MRPL13: variants seen among roughly 807,000 people sequenced by gnomAD.
The protein encoded by MRPL13 is mitochondrial ribosomal protein L13.
In MRPL13, 33 loss-of-function variants were observed where a neutral mutation model predicts 29.0. That is an observed-to-expected ratio of 1.14 (90% CI 0.86 to 1.52). MRPL13 has a LOEUF of 1.52. Ranked by LOEUF, MRPL13 falls within the 40% of genes most tolerant of loss-of-function variation. MRPL13 has a pLI of 0.00. For missense variants in MRPL13, 227 were observed against 216.7 expected, an observed-to-expected ratio of 1.05 and a Z score of -0.30; for synonymous variants, 77 against 68.4, an observed-to-expected ratio of 1.13 and a Z score of -0.62.
intron 2 of MRPL13, among the ~76,000 whole-genome samples, chr8:120,439,013 T>C (rs754034570): frequency 1.3e-5 from 2 of 152,262 alleles, no homozygotes; most frequent in African/African-American, 2.4e-5. Flanking sequence ...TCTTTATTCA[T>C]AGATTCCATA....
At chr8:120,415,786 T>A (rs2130463825) in intron 5 of MRPL13, 1 of 152,132 alleles carries the variant, frequency 6.6e-6, no homozygotes, top group East Asian at 1.9e-4. Context: ...CCTGGACATA[T>A]AAAAGATTGT....
chr8:120,438,332 C>G (rs889150793), intron 2 of MRPL13, among the ~76,000 whole-genome samples: 8 of 152,138 alleles, frequency 5.3e-5, no homozygotes, highest in African/African-American at 1.7e-4. Flanking sequence ...CAGAGTAAGA[C>G]CCTGTCTCAA....
At chr8:120,417,595 A>T (rs1466909418) in intron 5 of MRPL13, among the ~76,000 whole-genome samples, 1 of 151,990 alleles carries the variant, frequency 6.6e-6, no homozygotes, top group Non-Finnish European at 1.5e-5. Context: ...ATTCAGTGTA[A>T]TCCCTTATTA....
chr8:120,434,426 G>A (rs1813030243), intron 2 of MRPL13, among the ~76,000 whole-genome samples: 2 of 151,990 alleles, frequency 1.3e-5, no homozygotes, highest in Admixed American at 1.3e-4. Flanking sequence ...TAATGTTTAC[G>A]GAGAAAACAG....
intron 6 of MRPL13, among the ~76,000 whole-genome samples, chr8:120,407,730 T>C (rs754958915): frequency 1.3e-5 from 2 of 152,106 alleles, no homozygotes; most frequent in Non-Finnish European, 2.9e-5. Context: ...GAATAATTTA[T>C]TTTTCAAGTA....
At chr8:120,419,159 T>G (rs1444509977) in intron 5 of MRPL13, among the ~76,000 whole-genome samples, 1 of 151,974 alleles carries the variant, frequency 6.6e-6, no homozygotes, top group African/African-American at 2.4e-5. Flanking sequence ...ATACTATTAT[T>G]ATGTCAACTT....
At chr8:120,417,599 C>T (rs1812819620) in intron 5 of MRPL13, among the ~76,000 whole-genome samples, 1 of 152,130 alleles carries the variant, frequency 6.6e-6, no homozygotes, top group East Asian at 1.9e-4. Flanking sequence ...AGTGTAATCC[C>T]TTATTATTAC....
intron 2 of MRPL13, among the ~76,000 whole-genome samples, chr8:120,437,156 T>C (rs529551174): frequency 1.3e-5 from 2 of 152,292 alleles, no homozygotes; most frequent in South Asian, 2.1e-4. Flanking sequence ...ACAATTTAGA[T>C]TGCAAAATTA....
chr8:120,399,456 G>A (rs1375533526), intron 6 of MRPL13, among the ~76,000 whole-genome samples: 1 of 152,112 alleles, frequency 6.6e-6, no homozygotes, highest in Non-Finnish European at 1.5e-5. Flanking sequence ...GAGGGAATTC[G>A]TCACCACCAG....
intron 6 of MRPL13, among the ~76,000 whole-genome samples, chr8:120,412,002 G>A (rs187335792): frequency 6.6e-6 from 1 of 152,156 alleles, no homozygotes; most frequent in African/African-American, 2.4e-5. Context: ...TTATATTAGT[G>A]TGGTGCCAGT....
At chr8:120,425,769 C>T (rs986274877) in intron 3 of MRPL13, among the ~76,000 whole-genome samples, 10 of 152,046 alleles carry the variant, frequency 6.6e-5, no homozygotes, top group East Asian at 3.9e-4. Flanking sequence ...GTTGGTAGTC[C>T]ACTTGGTTCT....
intron 5 of MRPL13, among the ~76,000 whole-genome samples, chr8:120,417,323 G>A (rs1812815615): frequency 6.6e-6 from 1 of 152,114 alleles, no homozygotes; most frequent in African/African-American, 2.4e-5. Flanking sequence ...ACAAATAATT[G>A]AAAAGATGCC....
At position 120,407,897 on chromosome 8, in the gene MRPL13, CTA is replaced by C. The variant is rs558424899; in HGVS notation, c.515+6092_515+6093del. ...CTTATTCTATGAAACATTTAAAAGA[CTA>C]AAATAATATTTGGATGGTGAACTAA... On this transcript the variant is annotated intron_variant, in intron 6 of 6. Transcript: ENST00000306185. 1.6e-4 allele frequency among the ~76,000 whole-genome samples: 24 copies of C among 152,024 alleles called. No homozygotes were observed. In the East Asian group the frequency reaches 4.6e-3, roughly 29 times the overall value.
At chr8:120,425,102 G>A (rs1812916729) in intron 4 of MRPL13, among the ~76,000 whole-genome samples, 1 of 151,956 alleles carries the variant, frequency 6.6e-6, no homozygotes, top group African/African-American at 2.4e-5. Flanking sequence ...TCGACTAAAT[G>A]CAAAACATAA....
At chr8:120,399,227 G>A (rs1215095515) in intron 6 of MRPL13, among the ~76,000 whole-genome samples, 1 of 152,106 alleles carries the variant, frequency 6.6e-6, no homozygotes, top group Admixed American at 6.5e-5. Context: ...AAGAAAAAAT[G>A]TTAAGGACAG....
At position 120,445,096 on chromosome 8, in the gene MRPL13, T is replaced by A. The variant is rs767975308; in HGVS notation, c.-2A>T. On this transcript the variant is annotated 5_prime_UTR_variant, in exon 1 of 7. Coordinates refer to ENST00000306185, the MANE Select transcript of MRPL13 (RefSeq NM_014078.6). ...GGGCGCCCTAGAGAAACTCGACATA[T>A]TCCTCTACTAGCAGGACCGTACGTC... The A allele has an allele frequency of 9.9e-6, 16 of 1,613,650 alleles. No homozygotes were observed.
chr8:120,402,196 A>G (rs1812605449), intron 6 of MRPL13, among the ~76,000 whole-genome samples: 1 of 152,212 alleles, frequency 6.6e-6, no homozygotes, highest in Non-Finnish European at 1.5e-5. Flanking sequence ...TAGCCAAGAC[A>G]ATCCTAAGCA....
chr8:120,401,769 A>C (rs953423286), intron 6 of MRPL13, among the ~76,000 whole-genome samples: 2 of 152,188 alleles, frequency 1.3e-5, no homozygotes, highest in Non-Finnish European at 2.9e-5. Context: ...TCATCCCAAA[A>C]GCTTCTTAAG....
chr8:120,429,008 GA>G (rs1407990576), intron 3 of MRPL13, among the ~76,000 whole-genome samples: 1 of 152,082 alleles, frequency 6.6e-6, no homozygotes, highest in Admixed American at 6.6e-5. Flanking sequence ...CATACCCTAA[GA>G]AATATAAATT....
Sources: allele counts gnomAD v4.1 joint callset (sites outside exome capture counted in the v4.1 genomes callset), GRCh38; gene constraint gnomAD v4.1.1; transcripts MANE v1.5; gene names NCBI Gene and HGNC (gene_info 2026-07-23, HGNC 2026-07-21).